Variants in HERC4 observed in about 807,000 individuals in gnomAD.
HERC4 encodes the protein HECT and RLD domain containing E3 ubiquitin protein ligase 4.
In HERC4, 28 loss-of-function variants were observed where a neutral mutation model predicts 124.3. That is an observed-to-expected ratio of 0.23 (90% CI 0.17 to 0.31). The LOEUF (loss-of-function observed/expected upper bound fraction) is 0.31, where lower values mean the gene tolerates loss of function less well. HERC4 is among the 10% of genes least tolerant of loss of function. HERC4 has a pLI of 1.00. For synonymous variants in HERC4, 407 were observed against 421.5 expected, an observed-to-expected ratio of 0.97 and a Z score of 0.42; for missense variants, 713 against 1,229.3, an observed-to-expected ratio of 0.58 and a Z score of 6.28.
chr10:68,006,362 T>C (rs982622538), intron 9 of HERC4, among the ~76,000 whole-genome samples: 2 of 148,570 alleles, frequency 1.3e-5, no homozygotes, highest in Non-Finnish European at 3.0e-5. Context: ...TCAGCGTTTT[T>C]GTTTTTGTTT....
intron 19 of HERC4, among the ~76,000 whole-genome samples, chr10:67,944,858 A>C (rs1436036093): frequency 6.6e-6 from 1 of 152,230 alleles, no homozygotes; most frequent in Non-Finnish European, 1.5e-5. Flanking sequence ...CAAGAAAAAG[A>C]AGTGATTAGT....
At chr10:68,059,462 A>ATT (rs1554830054) in intron 3 of HERC4, among the ~76,000 whole-genome samples, 7 of 132,896 alleles carry the variant, frequency 5.3e-5, no homozygotes, top group South Asian at 2.1e-4. Context: ...ATATTATAAT[A>ATT]ATATTATATA....
chr10:67,954,939 A>G (rs368805581), intron 18 of HERC4, 24 bp downstream of exon 18: 9 of 1,576,442 alleles, frequency 5.7e-6, no homozygotes, highest in South Asian at 1.2e-5. Flanking sequence ...AGTCCCAATT[A>G]TACCACAGAA....
At chr10:67,953,510 T>C (rs1458423623) in intron 19 of HERC4, among the ~76,000 whole-genome samples, 2 of 152,184 alleles carry the variant, frequency 1.3e-5, no homozygotes, top group African/African-American at 4.8e-5. Flanking sequence ...AAAAAGTATA[T>C]AGGTTGTTTC....
At chr10:68,033,876 T>A (rs933125644) in intron 6 of HERC4, 89 bp downstream of exon 6, 7 of 1,075,408 alleles carry the variant, frequency 6.5e-6, no homozygotes, top group Non-Finnish European at 9.6e-6. Flanking sequence ...GGAAGATACA[T>A]TTCTCTCTTA....
At chr10:67,954,069 C>T (rs1589168254) in intron 19 of HERC4, 2 of 152,168 alleles carry the variant, frequency 1.3e-5, no homozygotes, top group Admixed American at 1.3e-4. Flanking sequence ...TATAAAGAAC[C>T]AGATGGCAAA....
At chr10:68,056,340 T>C (rs1156677994) in intron 3 of HERC4, among the ~76,000 whole-genome samples, 3 of 152,176 alleles carry the variant, frequency 2.0e-5, no homozygotes, top group African/African-American at 7.2e-5. Flanking sequence ...TAAAATACAT[T>C]GATCATGTGT....
intron 15 of HERC4, among the ~76,000 whole-genome samples, chr10:67,982,758 G>A (rs1053089912): frequency 1.3e-5 from 2 of 152,122 alleles, no homozygotes; most frequent in African/African-American, 4.8e-5. Context: ...CAATTCTATA[G>A]AAAAAAATGC....
At position 68,025,626 on chromosome 10, in the gene HERC4, A is replaced by G; in HGVS notation, c.828T>C (p.His276=). The G allele has an allele frequency of 6.2e-7, 1 of 1,613,924 alleles. No homozygotes were observed. The highest frequency in any genetic ancestry group is 8.5e-7 in the Non-Finnish European group (1 of 1,179,902). Reference sequence around the variant, plus strand: ...GGTTTATTTCATGACTGGTAGAATTATGGCCCAACTGACCATACCCTCCAG... The same window carrying G: ...GGTTTATTTCATGACTGGTAGAATTGTGGCCCAACTGACCATACCCTCCAG... ...FGAGGYGQLG[H]NSTSHEINPR... The change falls in exon 8 of 25, where the codon CAT becomes CAC. Residue 276 remains histidine, a synonymous_variant. Coordinates refer to ENST00000373700, the MANE Select transcript of HERC4 (RefSeq NM_015601.4).
chr10:67,966,906 G>A (rs112713740), intron 15 of HERC4, 104 bp from the exon 16 acceptor site: 5 of 783,234 alleles, frequency 6.4e-6, no homozygotes, highest in East Asian at 7.1e-5. Context: ...CCAGGCTGGA[G>A]TGCAGTGGCA....
chr10:67,966,454 T>C (rs1373721585), intron 16 of HERC4: 2 of 377,276 alleles, frequency 5.3e-6, no homozygotes. Flanking sequence ...TTTGTTTTGT[T>C]TTACAGTGTA....
chr10:68,034,862 T>C (rs2039377788), intron 5 of HERC4, among the ~76,000 whole-genome samples: 1 of 151,916 alleles, frequency 6.6e-6, no homozygotes, highest in South Asian at 2.1e-4. Flanking sequence ...CTATCATATA[T>C]CACCAAATTT....
chr10:68,067,658 A>C (rs2041363337), intron 3 of HERC4: 1 of 152,260 alleles, frequency 6.6e-6, no homozygotes, highest in African/African-American at 2.4e-5. Flanking sequence ...AAAAATGAAG[A>C]AGCAAGAAAG....
At chr10:67,982,490 G>GC (rs2035989522) in intron 15 of HERC4, among the ~76,000 whole-genome samples, 1 of 90,400 alleles carries the variant, frequency 1.1e-5, no homozygotes, top group Non-Finnish European at 2.7e-5. Flanking sequence ...AATGATTAAT[G>GC]ATTAAATCTA....
At chr10:67,985,984 G>C (rs2036239365) in intron 15 of HERC4, among the ~76,000 whole-genome samples, 1 of 152,198 alleles carries the variant, frequency 6.6e-6, no homozygotes, top group Admixed American at 6.5e-5. Context: ...AAGGAATTTA[G>C]GCAGCTGTCA....
chr10:67,953,093 T>C (rs1181878411), intron 19 of HERC4, among the ~76,000 whole-genome samples: 1 of 152,140 alleles, frequency 6.6e-6, no homozygotes, highest in Admixed American at 6.5e-5. Context: ...CCATACATTT[T>C]CAAAAGATCA....
In HERC4 at chr10:67,948,320, T is replaced by C. The variant is rs566311524; in HGVS notation, c.2337+6275A>G. On this transcript the variant is annotated intron_variant, in intron 19 of 24. Transcript: ENST00000373700. Reference sequence around the variant, plus strand: ...AATCTACAAGGAACTCAGATAATTATTCAGCAAGAAAAAAACAATCCCATC... The same window carrying C: ...AATCTACAAGGAACTCAGATAATTACTCAGCAAGAAAAAAACAATCCCATC... Among the ~76,000 whole-genome samples, 8 of 151,754 alleles carry C rather than the reference T, an allele frequency of 5.3e-5. No individual in the cohort carries two copies. The South Asian group carries it at 8.3e-4, about 16-fold the overall frequency.
At chr10:68,047,514 A>C (rs932559783) in intron 3 of HERC4, among the ~76,000 whole-genome samples, 1 of 152,254 alleles carries the variant, frequency 6.6e-6, no homozygotes, top group Non-Finnish European at 1.5e-5. Flanking sequence ...AAGAATGCTT[A>C]AAACTCAACA....
intron 3 of HERC4, 123 bp from the exon 4 acceptor site, chr10:68,044,686 A>G: frequency 1.2e-6 from 1 of 847,300 alleles, no homozygotes; most frequent in Non-Finnish European, 1.8e-6. Context: ...CAAACAAGCT[A>G]AAGAAATGCT....
Sources: allele counts gnomAD v4.1 joint callset (sites outside exome capture counted in the v4.1 genomes callset), GRCh38; gene constraint gnomAD v4.1.1; transcripts MANE v1.5; gene names NCBI Gene and HGNC (gene_info 2026-07-23, HGNC 2026-07-21).